FYB2: variants seen among roughly 807,000 people sequenced by gnomAD.
FYB2 encodes the protein FYN binding protein 2, also known as FYN-binding protein 2.
A neutral mutation model predicts 94.1 loss-of-function variants in FYB2; 103 were observed. The ratio of observed to expected loss-of-function variants is 1.09; its 90% CI spans 0.93 to 1.29. FYB2 has a LOEUF of 1.29. Among genes scored for constraint, FYB2 ranks in the 50% most tolerant of loss-of-function variants. FYB2 has a pLI of 0.00. For missense variants in FYB2, 896 were observed against 841.5 expected, an observed-to-expected ratio of 1.06 and a Z score of -0.80; for synonymous variants, 293 against 287.9, an observed-to-expected ratio of 1.02 and a Z score of -0.18.
At position 56,742,199 on chromosome 1, in the gene FYB2, T is replaced by G. The variant is rs1269292269; in HGVS notation, c.1566A>C (p.Glu522Asp). Residue 522 changes from glutamate (E) to aspartate (D), a missense_variant, in exon 12 of 20, where the codon GAA (glutamate) becomes GAC (aspartate). By Grantham distance (45) the Glu-to-Asp change is conservative (BLOSUM62 2). Transcript: ENST00000343433. ...SSSEENRELY[E>D]DVYKTKNNYP... is the part of the protein sequence containing the mutation. ...AGTTGTTCTTTGTTTTGTAGACATC[T>G]TCATACAGTTCTCTATTTTCTTCTG... 3.1e-6 allele frequency: 5 copies of G among 1,602,098 alleles called. No homozygotes were observed. Among genetic ancestry groups the G allele is most frequent in the South Asian group, 1.1e-5 (1 of 90,234 alleles).
chr1:56,719,165 C>T lies in FYB2; in HGVS notation c.*506G>A, dbSNP rs1157331472. 2.6e-5 allele frequency: 4 copies of T among 152,304 alleles called. No homozygotes were observed. Among genetic ancestry groups the T allele is most frequent in the African/African-American group, 9.7e-5 (4 of 41,414 alleles). 9.4% of individuals were successfully genotyped at this position (152,304 alleles called of 1,614,324 possible). On this transcript the variant is annotated 3_prime_UTR_variant, in exon 20 of 20. Coordinates refer to ENST00000343433, the MANE Select transcript of FYB2 (RefSeq NM_001004303.5). ...GTGATAAAGTAAAAGGACATTTATA[C>T]TTTTTTAAAGACTGAGCCATAATTA...
chr1:56,730,147 C>A (rs1476799894), intron 15 of FYB2, among the ~76,000 whole-genome samples: 1 of 151,082 alleles, frequency 6.6e-6, no homozygotes, highest in Non-Finnish European at 1.5e-5. Flanking sequence ...AAACCAAATC[C>A]AAAGTTAGTA....
At chr1:56,745,462 A>C (rs924648000) in intron 9 of FYB2, among the ~76,000 whole-genome samples, 39 of 152,010 alleles carry the variant, frequency 2.6e-4, no homozygotes, top group African/African-American at 9.2e-4. Context: ...GCTCAGGCCC[A>C]AAACCTTGGA....
chr1:56,724,184 T>C (rs577649597), intron 16 of FYB2, among the ~76,000 whole-genome samples: 1 of 152,166 alleles, frequency 6.6e-6, no homozygotes, highest in Admixed American at 6.6e-5. Flanking sequence ...TTAAACCTAA[T>C]TGGGGATCAC....
intron 4 of FYB2, among the ~76,000 whole-genome samples, chr1:56,783,914 T>A (rs1391111914): frequency 6.6e-6 from 1 of 152,150 alleles, no homozygotes; most frequent in Non-Finnish European, 1.5e-5. Context: ...TTGCCCTTGC[T>A]GGGAGGTTAC....
intron 5 of FYB2, among the ~76,000 whole-genome samples, chr1:56,759,973 G>A (rs1303455306): frequency 6.6e-6 from 1 of 151,692 alleles, no homozygotes; most frequent in African/African-American, 2.4e-5. Context: ...CAGCTACTCT[G>A]GAGGCTGAGG....
intron 1 of FYB2, among the ~76,000 whole-genome samples, chr1:56,810,231 A>G (rs1646735733): frequency 1.3e-5 from 2 of 152,140 alleles, no homozygotes; most frequent in Admixed American, 1.3e-4. Flanking sequence ...GTTAGGTGGC[A>G]TTTTAGTTTC....
chr1:56,759,503 T>C (rs1021210591), intron 5 of FYB2, among the ~76,000 whole-genome samples: 2 of 152,164 alleles, frequency 1.3e-5, no homozygotes, highest in African/African-American at 4.8e-5. Flanking sequence ...TATAGATAGT[T>C]GTGTATCTAA....
chr1:56,743,991 T>C, intron 11 of FYB2, 35 bp downstream of exon 11: 3 of 1,600,610 alleles, frequency 1.9e-6, no homozygotes, highest in Non-Finnish European at 2.6e-6. Flanking sequence ...CTGCAATTCC[T>C]ACTGGCAACT....
At position 56,746,152 on chromosome 1, in the gene FYB2, G is replaced by A. The variant is rs556616892; in HGVS notation, c.1388-1886C>T. 8.5e-4 allele frequency among the ~76,000 whole-genome samples: 129 copies of A among 151,790 alleles called. No individual in the cohort carries two copies. The Middle Eastern group carries it at 0.027, about 32-fold the overall frequency. The stretch of plus-strand genomic sequence containing the variant: ...ATTTATTGTCCGTCTCCTCTGATCC[G>A]AAAGTAACCTCTGTGAGAAAAGGAA... On this transcript the variant is annotated intron_variant, in intron 9 of 19. Transcript: ENST00000343433.
At chr1:56,803,638 A>G (rs1021158229) in intron 1 of FYB2, among the ~76,000 whole-genome samples, 1 of 152,208 alleles carries the variant, frequency 6.6e-6, no homozygotes, top group Non-Finnish European at 1.5e-5. Context: ...AAAATAATAT[A>G]GTGTTTCACA....
chr1:56,802,989 G>A (rs1646556086), intron 1 of FYB2, among the ~76,000 whole-genome samples: 1 of 152,038 alleles, frequency 6.6e-6, no homozygotes, highest in African/African-American at 2.4e-5. Flanking sequence ...TTCTTTCCCT[G>A]CACAAGACCC....
intron 1 of FYB2, among the ~76,000 whole-genome samples, chr1:56,795,638 CT>C (rs35248546): frequency 0.033 from 4,903 of 147,478 alleles, 236 homozygotes; most frequent in African/African-American, 0.11. Flanking sequence ...TTCACCAACA[CT>C]TTTTTTTTTT....
At position 56,724,434 on chromosome 1, in the gene FYB2, C is replaced by A. The variant is rs77129144; in HGVS notation, c.1881-753G>T. 4.9e-3 allele frequency among the ~76,000 whole-genome samples: 741 copies of A among 152,066 alleles called. 38 individuals carry two copies. In the East Asian group the frequency reaches 0.11, roughly 23 times the overall value. On this transcript the variant is annotated intron_variant, in intron 16 of 19. Coordinates refer to ENST00000343433, the MANE Select transcript of FYB2 (RefSeq NM_001004303.5). Reference sequence around the variant, plus strand: ...ACAGAAGTAAAAAAGTCAACCAAGTCCTGTTAGTCTTATTCCTAAGTGTCC... The same window carrying A: ...ACAGAAGTAAAAAAGTCAACCAAGTACTGTTAGTCTTATTCCTAAGTGTCC...
chr1:56,796,890 T>G (rs1372790679), intron 1 of FYB2, among the ~76,000 whole-genome samples: 4 of 152,234 alleles, frequency 2.6e-5, no homozygotes, highest in African/African-American at 9.6e-5. Flanking sequence ...TCAAAATATT[T>G]GTTGGTTGCC....
At chr1:56,719,965 T>C in intron 19 of FYB2, 57 bp downstream of exon 19, 2 of 1,477,820 alleles carry the variant, frequency 1.4e-6, no homozygotes, top group South Asian at 1.3e-5. Context: ...TTGAGACTAA[T>C]GTATACAACA....
chr1:56,746,700 T>C (rs1051972281), intron 9 of FYB2, among the ~76,000 whole-genome samples: 1 of 152,036 alleles, frequency 6.6e-6, no homozygotes, highest in African/African-American at 2.4e-5. Context: ...TTCTACTTTT[T>C]ATGGGCATCT....
intron 1 of FYB2, among the ~76,000 whole-genome samples, chr1:56,797,371 C>G (rs1170130806): frequency 1.3e-5 from 2 of 152,126 alleles, no homozygotes; most frequent in Non-Finnish European, 2.9e-5. Context: ...CTAACTGATT[C>G]CTCTTTCATG....
intron 7 of FYB2, among the ~76,000 whole-genome samples, chr1:56,754,301 C>T (rs1368160694): frequency 6.6e-6 from 1 of 152,054 alleles, no homozygotes; most frequent in Admixed American, 6.6e-5. Context: ...ACCCACCACC[C>T]TATTTGAGCA....
Sources: allele counts gnomAD v4.1 joint callset (sites outside exome capture counted in the v4.1 genomes callset), GRCh38; gene constraint gnomAD v4.1.1; transcripts MANE v1.5; gene names NCBI Gene and HGNC (gene_info 2026-07-23, HGNC 2026-07-21).